FAT4: variants seen among roughly 807,000 people sequenced by gnomAD.
FAT4 encodes protocadherin Fat 4.
A neutral mutation model predicts 303.9 loss-of-function variants in FAT4; 84 were observed. The observed-to-expected ratio is 0.28, with a 90% CI of 0.23 to 0.33. FAT4 has a LOEUF of 0.33. Among genes scored for constraint, FAT4 ranks in the 10% least tolerant of loss-of-function variants. The pLI, the probability that FAT4 is intolerant of heterozygous loss-of-function variation, is 1.00. For missense variants in FAT4, 6,005 were observed against 6,146.8 expected, an observed-to-expected ratio of 0.98 and a Z score of 0.77; for synonymous variants, 2,307 against 2,298.8, an observed-to-expected ratio of 1.00 and a Z score of -0.10.
At chr4:125,475,164 CCTT>C (rs1265964190) in intron 12 of FAT4, among the ~76,000 whole-genome samples, 24 of 152,224 alleles carry the variant, frequency 1.6e-4, no homozygotes, top group Admixed American at 3.3e-4. Flanking sequence ...TACACTCCAT[CCTT>C]CTTACAATTT....
intron 10 of FAT4, among the ~76,000 whole-genome samples, chr4:125,456,732 A>G (rs990088399): frequency 2.0e-5 from 3 of 152,182 alleles, no homozygotes; most frequent in African/African-American, 7.2e-5. Flanking sequence ...AGCCTGGCTC[A>G]GGAAGACAGA....
chr4:125,394,079 C>G (rs1210199695), intron 2 of FAT4: 1 of 741,834 alleles, frequency 1.3e-6, no homozygotes, highest in East Asian at 2.5e-5. Flanking sequence ...TTTTAAAGGA[C>G]CAGATATCTA....
At position 125,316,297 on chromosome 4, in the gene FAT4, C is replaced by G; in HGVS notation, c.-12-103C>G. The G allele has an allele frequency of 7.1e-7, 1 of 1,408,264 alleles. No individual in the cohort carries two copies. The highest frequency in any genetic ancestry group is 2.3e-4 in the Middle Eastern group (1 of 4,416). 87.2% of individuals were successfully genotyped at this position (1,408,264 alleles called of 1,614,324 possible). A position where few individuals can be genotyped will look rare whatever the true frequency, so the allele number is the denominator to read the frequency against. The stretch of plus-strand genomic sequence containing the variant: ...GGAGGTTCTTTGAAATAGCAGAGGT[C>G]TCAGACCAAGCCGTCAGCTGAATCT... On this transcript the variant is annotated intron_variant, in intron 1 of 17. Coordinates refer to ENST00000394329, the MANE Select transcript of FAT4 (RefSeq NM_001291303.3). The surrounding 1 kb of genome is among the most constrained non-coding windows in gnomAD (Gnocchi z 5.7).
At chr4:125,340,464 A>C (rs991197244) in intron 2 of FAT4, among the ~76,000 whole-genome samples, 1 of 151,900 alleles carries the variant, frequency 6.6e-6, no homozygotes, top group Non-Finnish European at 1.5e-5. Context: ...GCTAGCTGCA[A>C]GCTCCGCCTC....
At position 125,321,424 on chromosome 4, in the gene FAT4, T is replaced by A. The variant is rs1386892627; in HGVS notation, c.5013T>A (p.Arg1671=). ...TGGAGTATTATATTGTTTCAGTTCG[T>A]TGTGAAGAAAAAACTGTTGGACGCC... ...APVEYYIVSV[R]CEEKTVGRLF... Residue 1671 remains arginine (R), a synonymous_variant, in exon 2 of 18, where the codon CGT becomes CGA. Transcript: ENST00000394329. 6.2e-7 allele frequency: 1 copy of A among 1,614,110 alleles called. No homozygotes were observed.
chr4:125,317,539 G>C lies in FAT4; in HGVS notation c.1128G>C (p.Val376=), dbSNP rs202216461. 3 of 1,613,758 alleles carry C rather than the reference G, an allele frequency of 1.9e-6. No homozygotes were observed. The African/African-American group carries it at 4.0e-5, about 22-fold the overall frequency. Residue 376 remains valine, a synonymous_variant, in exon 2 of 18, where the codon GTG becomes GTC. Coordinates refer to ENST00000394329, the MANE Select transcript of FAT4 (RefSeq NM_001291303.3). This position sits in a 1 kb window ranked among gnomAD's most constrained non-coding sequence, Gnocchi z 7.0. The stretch of plus-strand genomic sequence containing the variant: ...ATGAGAATGCTCAAGTGGGCACCGT[G>C]GTGGCTCTGCTCACCGTGACGGACG... ...SVDENAQVGT[V]VALLTVTDAD... is the part of the protein sequence containing the mutation.
In FAT4 at chr4:125,451,169, G is replaced by C. The variant is rs1726052847; in HGVS notation, c.10159G>C (p.Asp3387His). Residue 3387 changes from aspartate to histidine, a missense_variant, in exon 10 of 18, where the codon GAT becomes CAT. Transcript: ENST00000394329. ...GAACTTTGGCAGCATTAGAGGTGCA[G>C]ATATAGATGAGGTCACTGTAAATGT... is the stretch of plus-strand genomic sequence containing the variant. Reference protein sequence around the residue: ...AKNFGSIRGADIDEVTVNVTV... With the variant: ...AKNFGSIRGAHIDEVTVNVTV... The C allele has an allele frequency of 6.2e-7, 1 of 1,614,174 alleles. No homozygotes were observed. The highest frequency in any genetic ancestry group is 8.5e-7 in the Non-Finnish European group (1 of 1,180,022).
intron 8 of FAT4, among the ~76,000 whole-genome samples, chr4:125,443,253 A>C: frequency 6.6e-6 from 1 of 152,212 alleles, no homozygotes; most frequent in East Asian, 1.9e-4. Context: ...TTATGCAAAT[A>C]ATTTGAAATA....
At position 125,319,493 on chromosome 4, in the gene FAT4, A is replaced by C; in HGVS notation, c.3082A>C (p.Asn1028His). Reference sequence around the variant, plus strand: ...AGCTTCTGATAAGGATTCAGGAGCAAATGGTGAAATTGCATACACCATTGC... The same window carrying C: ...AGCTTCTGATAAGGATTCAGGAGCACATGGTGAAATTGCATACACCATTGC... Reference protein sequence around the residue: ...VQASDKDSGANGEIAYTIAEG... With the variant: ...VQASDKDSGAHGEIAYTIAEG... The change falls in exon 2 of 18, where the codon AAT (asparagine) becomes CAT (histidine). Residue 1028 changes from asparagine to histidine, a missense_variant. Coordinates refer to ENST00000394329, the MANE Select transcript of FAT4 (RefSeq NM_001291303.3). 6.2e-7 allele frequency: 1 copy of C among 1,613,992 alleles called. No individual in the cohort carries two copies. The highest frequency in any genetic ancestry group is 8.5e-7 in the Non-Finnish European group (1 of 1,179,898).
chr4:125,329,632 A>G (rs1731297745), intron 2 of FAT4, among the ~76,000 whole-genome samples: 1 of 152,010 alleles, frequency 6.6e-6, no homozygotes, highest in Admixed American at 6.6e-5. Context: ...TGACTCCAAA[A>G]TTTTGCCTCC....
rs1727643242 is a variant in FAT4, at chr4:125,491,526, C to CCCAGG, written c.14711_14712insCAGGC (p.Val4905ArgfsTer19). 1 of 1,614,054 alleles carries CCCAGG rather than the reference C, an allele frequency of 6.2e-7. No homozygotes were observed. The highest frequency in any genetic ancestry group is 1.7e-5 in the Admixed American group (1 of 59,998). ...CCACGGTCGCAGGGCCGAGGGAGGA[C>CCCAGG]CTGTGGGCACCCAGGCAGCAGCACC... On this transcript the variant is annotated frameshift_variant, in exon 18 of 18. Coordinates refer to ENST00000394329, the MANE Select transcript of FAT4 (RefSeq NM_001291303.3). LOFTEE classifies it high-confidence loss of function.
At chr4:125,396,053 A>T (rs1165824051) in intron 2 of FAT4, among the ~76,000 whole-genome samples, 1 of 152,134 alleles carries the variant, frequency 6.6e-6, no homozygotes, top group African/African-American at 2.4e-5. Context: ...ATTTATGAAA[A>T]TATATTTGTA....
In FAT4 at chr4:125,450,851, T is replaced by A. The variant is rs1726036736; in HGVS notation, c.9841T>A (p.Cys3281Ser). Residue 3281 changes from cysteine (C) to serine (S), a missense_variant, in exon 10 of 18, where the codon TGT becomes AGT. Cys to Ser is a moderately radical substitution (Grantham distance 112). Coordinates refer to ENST00000394329, the MANE Select transcript of FAT4 (RefSeq NM_001291303.3). The stretch of plus-strand genomic sequence containing the variant: ...CTTCAATGTCCCCGATGAGGAAAGG[T>A]GTAGCTTTGCCACTGTTAATATACA... ...KAFNVPDEER[C>S]SFATVNIQLK... 6.2e-7 allele frequency: 1 copy of A among 1,614,086 alleles called. No individual in the cohort carries two copies. Among genetic ancestry groups the A allele is most frequent in the East Asian group, 2.2e-5 (1 of 44,856 alleles).
rs1383239797 is a variant in FAT4 at position 125,321,378 on chromosome 4, C to T, written c.4967C>T (p.Pro1656Leu). The T allele has an allele frequency of 6.2e-7, 1 of 1,613,918 alleles. No individual in the cohort carries two copies. Among genetic ancestry groups the T allele is most frequent in the Non-Finnish European group, 8.5e-7 (1 of 1,179,828 alleles). The change falls in exon 2 of 18, where the codon CCC (proline) becomes CTC (leucine). Residue 1656 changes from proline to leucine, a missense_variant. Physicochemically the swap from Pro to Leu is moderately conservative, Grantham distance 98. Coordinates refer to ENST00000394329, the MANE Select transcript of FAT4 (RefSeq NM_001291303.3). The part of the protein sequence containing the change: ...TNVISIEAAS[P>L]RGSEAPVEYY... ...GTGATATCAATAGAAGCAGCTAGCC[C>T]CAGAGGATCTGAGGCCCCAGTGGAG...
intron 2 of FAT4, among the ~76,000 whole-genome samples, chr4:125,366,306 A>G (rs1732884528): frequency 6.6e-6 from 1 of 151,930 alleles, no homozygotes; most frequent in Admixed American, 6.6e-5. Context: ...ATGTGTTTAT[A>G]TGTTCTCCTC....
chr4:125,336,561 C>A (rs1458974969), intron 2 of FAT4, among the ~76,000 whole-genome samples: 2 of 151,892 alleles, frequency 1.3e-5, no homozygotes, highest in Admixed American at 6.6e-5. Flanking sequence ...AAAGACCTTT[C>A]TTTCATTTTA....
intron 16 of FAT4, among the ~76,000 whole-genome samples, chr4:125,483,941 T>G (rs1040359735): frequency 1.3e-5 from 1 of 74,230 alleles, no homozygotes; most frequent in Non-Finnish European, 3.4e-5. Context: ...GTTCCGTTTT[T>G]TTTTTTTTTT....
Position 125,448,809 on chromosome 4 carries a change from C to G in FAT4, c.7799C>G (p.Pro2600Arg). ...TITGSSLRGE[P>R]MSYYIASGNL... Reference sequence around the variant, plus strand: ...ACAGGATCCTCTTTAAGAGGAGAACCTATGTCATATTATATCGCAAGTGGG... The same window carrying G: ...ACAGGATCCTCTTTAAGAGGAGAACGTATGTCATATTATATCGCAAGTGGG... The change falls in exon 10 of 18, where the codon CCT becomes CGT. Residue 2600 changes from proline (P) to arginine (R), a missense_variant. By Grantham distance (103) the Pro-to-Arg change is moderately radical. Coordinates refer to ENST00000394329, the MANE Select transcript of FAT4 (RefSeq NM_001291303.3). The G allele has an allele frequency of 1.9e-6, 3 of 1,609,550 alleles. No homozygotes were observed. Among genetic ancestry groups the G allele is most frequent in the Non-Finnish European group, 1.7e-6 (2 of 1,179,848 alleles).
rs767959612 is a variant in FAT4 at position 125,487,602 on chromosome 4, A to T, written c.13080A>T (p.Gln4360His). 1 of 1,603,292 alleles carries T rather than the reference A, an allele frequency of 6.2e-7. No homozygotes were observed. Among genetic ancestry groups the T allele is most frequent in the Non-Finnish European group, 8.5e-7 (1 of 1,174,108 alleles). ...CCAATCAAGCACATCGAGATGCCCA[A>T]ACAGGTAAATGCCTTTATTAAGTAG... ...IPPNQAHRDAQTAGFDGCIAS... is the reference protein window; with the variant it reads ...IPPNQAHRDAHTAGFDGCIAS... The change falls in exon 17 of 18, where the codon CAA (glutamine) becomes CAT (histidine). Residue 4360 changes from glutamine (Q) to histidine (H), a missense_variant. By Grantham distance (24) the Gln-to-His change is conservative (BLOSUM62 0). Transcript: ENST00000394329.
Sources: allele counts gnomAD v4.1 joint callset (sites outside exome capture counted in the v4.1 genomes callset), GRCh38; gene constraint gnomAD v4.1.1; non-coding constraint Gnocchi (gnomAD v3.1); transcripts MANE v1.5; gene names NCBI Gene and HGNC (gene_info 2026-07-23, HGNC 2026-07-21).